CD58: variants seen among roughly 807,000 people sequenced by gnomAD.
The protein encoded by CD58 is CD58 molecule.
Under a neutral mutation model 27.6 loss-of-function variants are expected in CD58, and 14 were observed. The ratio of observed to expected loss-of-function variants is 0.51; its 90% CI spans 0.34 to 0.79. The LOEUF (loss-of-function observed/expected upper bound fraction) is 0.79, where lower values mean the gene tolerates loss of function less well. Among genes scored for constraint, CD58 ranks in the 30% least tolerant of loss-of-function variants. CD58 has a pLI of 0.02. For synonymous variants in CD58, 117 were observed against 103.8 expected (o/e 1.13, Z -0.77); for missense variants, 268 against 301.7 (o/e 0.89, Z 0.83).
At position 116,557,624 on chromosome 1, in the gene CD58, TTC is replaced by T. The variant is rs1658606193; in HGVS notation, c.71-13022_71-13021del. 6.6e-6 allele frequency among the ~76,000 whole-genome samples: 1 copy of T among 152,010 alleles called. No homozygotes were observed. The highest frequency in any genetic ancestry group is 2.4e-5 in the African/African-American group (1 of 41,388). On this transcript the variant is annotated intron_variant, in intron 1 of 5. Coordinates refer to ENST00000369489, the MANE Select transcript of CD58 (RefSeq NM_001779.3). This position sits in a 1 kb window ranked among gnomAD's most constrained non-coding sequence, Gnocchi z 5.2. Reference sequence around the variant, plus strand: ...TTCTTTCTTTTCTTTCTTTTTATTTTTCTCTTTCTTTCCCTCTCTCTCTCCCT... The same window carrying T: ...TTCTTTCTTTTCTTTCTTTTTATTTTTCTTTCTTTCCCTCTCTCTCTCCCT...
At chr1:116,564,389 T>G (rs912059342) in intron 1 of CD58, among the ~76,000 whole-genome samples, 2 of 152,232 alleles carry the variant, frequency 1.3e-5, no homozygotes, top group African/African-American at 4.8e-5. Context: ...AGTTCCAAAG[T>G]TGCTTCCACA....
intron 1 of CD58, among the ~76,000 whole-genome samples, chr1:116,547,620 C>T (rs894042807): frequency 6.5e-4 from 99 of 152,172 alleles, no homozygotes; most frequent in African/African-American, 2.0e-3. Flanking sequence ...CGAGCCACCG[C>T]GCCTGGCCTA....
rs745843389 is a variant in CD58 at position 116,544,405 on chromosome 1, G to A, written c.270C>T (p.Leu90=). The change falls in exon 2 of 6, where the codon CTC becomes CTT. Residue 90 remains leucine, a synonymous_variant. Transcript: ENST00000369489. ...RVYLDTVSGS[L]TIYNLTSSDE... ...CTGATGATGTTAAGTTGTAGATAGT[G>A]AGGCTACCTGACACAGTGTCTAAAT... 1.9e-5 allele frequency: 31 copies of A among 1,612,960 alleles called. No homozygotes were observed. Among genetic ancestry groups the A allele is most frequent in the Non-Finnish European group, 1.8e-5 (21 of 1,179,192 alleles).
At chr1:116,565,691 T>C (rs1456944414) in intron 1 of CD58, among the ~76,000 whole-genome samples, 1 of 151,016 alleles carries the variant, frequency 6.6e-6, no homozygotes, top group Non-Finnish European at 1.5e-5. Context: ...AAAAAAAGAA[T>C]CCAAATAACT....
In CD58 at chr1:116,561,145, T is replaced by G. The variant is rs536302110; in HGVS notation, c.70+9758A>C. On this transcript the variant is annotated intron_variant, in intron 1 of 5. Transcript: ENST00000369489. ...AAAGCCTGTATTTACTAAAGAAATG[T>G]TAGAGTGACAAGGAGGTCAATAAAA... Among the ~76,000 whole-genome samples, 90 of 152,342 alleles carry G rather than the reference T, an allele frequency of 5.9e-4. 2 individuals carry two copies. In the South Asian group the frequency reaches 0.018, roughly 31 times the overall value.
chr1:116,569,626 A>G (rs1411691583), intron 1 of CD58, among the ~76,000 whole-genome samples: 2 of 131,352 alleles, frequency 1.5e-5, no homozygotes, highest in African/African-American at 2.9e-5. Flanking sequence ...TTTTTGAGAC[A>G]GGTCATATTC....
In CD58 at chr1:116,519,266, A is replaced by G. The variant is rs1460465790; in HGVS notation, c.708T>C (p.Gly236=). ...ITTCIVLYMN[G]ILKCDRKPDR... is the part of the protein sequence containing the mutation. Reference sequence around the variant, plus strand: ...CTGGTTTTCTGTCACATTTCAGAATACCTAAAAATGAAGAAATTGTCTTCT... The same window carrying G: ...CTGGTTTTCTGTCACATTTCAGAATGCCTAAAAATGAAGAAATTGTCTTCT... The change falls in exon 5 of 6, where the codon GGT becomes GGC. Residue 236 remains glycine (G), a splice_region_variant and synonymous_variant. Coordinates refer to ENST00000369489, the MANE Select transcript of CD58 (RefSeq NM_001779.3). The surrounding 1 kb of genome is among the most constrained non-coding windows in gnomAD (Gnocchi z 4.7). 6.2e-7 allele frequency: 1 copy of G among 1,611,186 alleles called. No individual in the cohort carries two copies. The highest frequency in any genetic ancestry group is 1.3e-5 in the African/African-American group (1 of 75,008).
intron 1 of CD58, among the ~76,000 whole-genome samples, chr1:116,562,872 C>G (rs1487451804): frequency 6.6e-6 from 1 of 152,138 alleles, no homozygotes; most frequent in African/African-American, 2.4e-5. Flanking sequence ...TCATTCCACC[C>G]CGGCCCCTCC....
rs1320548723 is a variant in CD58, at chr1:116,550,809, T to C, written c.71-6205A>G. ...AAGTGTATTCCTACATAATAAGACTTCAAAGGCAAAATTACTCCTTGATCC... is the reference window on the plus strand; with the variant it reads ...AAGTGTATTCCTACATAATAAGACTCCAAAGGCAAAATTACTCCTTGATCC... On this transcript the variant is annotated intron_variant, in intron 1 of 5. Coordinates refer to ENST00000369489, the MANE Select transcript of CD58 (RefSeq NM_001779.3). The surrounding 1 kb of genome is among the most constrained non-coding windows in gnomAD (Gnocchi z 4.2). Among the ~76,000 whole-genome samples, 3 of 152,128 alleles carry C rather than the reference T, an allele frequency of 2.0e-5. No homozygotes were observed. Among genetic ancestry groups the C allele is most frequent in the African/African-American group, 7.2e-5 (3 of 41,426 alleles).
intron 1 of CD58, among the ~76,000 whole-genome samples, chr1:116,566,936 C>CT (rs1328393073): frequency 2.0e-5 from 3 of 148,728 alleles, no homozygotes; most frequent in Non-Finnish European, 3.0e-5. Flanking sequence ...CCCAGGAGTT[C>CT]AAGACCAGCC....
intron 2 of CD58, among the ~76,000 whole-genome samples, chr1:116,543,464 G>A (rs1001701887): frequency 1.7e-4 from 26 of 151,772 alleles, no homozygotes; most frequent in Admixed American, 3.9e-4. Flanking sequence ...CACCAGGAAT[G>A]TCAGAAACAA....
chr1:116,570,886 G>GGGC lies in CD58; in HGVS notation c.70+14_70+16dup. On this transcript the variant is annotated intron_variant, in intron 1 of 5. Transcript: ENST00000369489. This position sits in a 1 kb window ranked among gnomAD's most constrained non-coding sequence, Gnocchi z 6.4. ...CCCGCCGGCCGGCGCGGGGCCCCTG[G>GGGC]GGCAGGCTTCACTCACCAAAGCAGT... 6.5e-7 allele frequency: 1 copy of GGGC among 1,545,310 alleles called. No individual in the cohort carries two copies. The highest frequency in any genetic ancestry group is 2.4e-5 in the East Asian group (1 of 40,912).
At chr1:116,537,834 T>C (rs1264918385) in intron 2 of CD58, among the ~76,000 whole-genome samples, 1 of 152,208 alleles carries the variant, frequency 6.6e-6, no homozygotes, top group African/African-American at 2.4e-5. Flanking sequence ...ACAATGGTCA[T>C]GGTAGCACTG....
At position 116,519,745 on chromosome 1, in the gene CD58, T is replaced by A. The variant is rs1423583990; in HGVS notation, c.707-478A>T. ...ACATTTTTTAATGAGATATTTTATA[T>A]TCTTTCACACACGGTCTTAGAAACA... On this transcript the variant is annotated intron_variant, in intron 4 of 5. Transcript: ENST00000369489. This position sits in a 1 kb window ranked among gnomAD's most constrained non-coding sequence, Gnocchi z 4.7. Among the ~76,000 whole-genome samples the A allele has an allele frequency of 6.6e-6, 1 of 152,190 alleles. No individual in the cohort carries two copies. Among genetic ancestry groups the A allele is most frequent in the Non-Finnish European group, 1.5e-5 (1 of 68,010 alleles).
intron 1 of CD58, among the ~76,000 whole-genome samples, chr1:116,555,031 G>A (rs879941103): frequency 1.1e-4 from 16 of 151,894 alleles, no homozygotes; most frequent in Non-Finnish European, 1.8e-4. Flanking sequence ...ATGGATGAAC[G>A]AATGAATGAA....
intron 1 of CD58, among the ~76,000 whole-genome samples, chr1:116,551,591 CTG>C (rs763917295): frequency 2.6e-5 from 4 of 152,182 alleles, no homozygotes; most frequent in Non-Finnish European, 5.9e-5. Flanking sequence ...TGCAATAACG[CTG>C]TTTCACTTTC....
chr1:116,544,666 A>G (rs1658105820), intron 1 of CD58, 62 bp from the exon 2 acceptor site: 3 of 1,164,090 alleles, frequency 2.6e-6, no homozygotes, highest in African/African-American at 1.6e-5. Context: ...GAAATTATTC[A>G]TCAGGTACTT....
chr1:116,570,877 G>C lies in CD58; in HGVS notation c.70+26C>G. 5.9e-6 allele frequency: 9 copies of C among 1,534,488 alleles called. No individual in the cohort carries two copies. Among genetic ancestry groups the C allele is most frequent in the Non-Finnish European group, 7.9e-6 (9 of 1,143,540 alleles). The stretch of plus-strand genomic sequence containing the variant: ...TGCCCAGTACCCGCCGGCCGGCGCG[G>C]GGCCCCTGGGGCAGGCTTCACTCAC... On this transcript the variant is annotated intron_variant, in intron 1 of 5. Coordinates refer to ENST00000369489, the MANE Select transcript of CD58 (RefSeq NM_001779.3). The surrounding 1 kb of genome is among the most constrained non-coding windows in gnomAD (Gnocchi z 6.4).
At chr1:116,547,580 T>A (rs531039546) in intron 1 of CD58, among the ~76,000 whole-genome samples, 1 of 152,076 alleles carries the variant, frequency 6.6e-6, no homozygotes, top group Non-Finnish European at 1.5e-5. Flanking sequence ...CTGCCCGCCT[T>A]GGCCTCCCAA....
Sources: allele counts gnomAD v4.1 joint callset (sites outside exome capture counted in the v4.1 genomes callset), GRCh38; gene constraint gnomAD v4.1.1; non-coding constraint Gnocchi (gnomAD v3.1); transcripts MANE v1.5; gene names NCBI Gene and HGNC (gene_info 2026-07-23, HGNC 2026-07-21).